The following DOK6 variants were observed in gnomAD, a reference collection of about 807,000 sequenced individuals.
DOK6 encodes the protein docking protein 6, also known as downstream of tyrosine kinase 6.
Under a neutral mutation model 44.0 loss-of-function variants are expected in DOK6, and 22 were observed. The ratio of observed to expected loss-of-function variants is 0.50; its 90% CI spans 0.36 to 0.71. The LOEUF (loss-of-function observed/expected upper bound fraction) is 0.71, where lower values mean the gene tolerates loss of function less well. Among genes scored for constraint, DOK6 ranks in the 30% least tolerant of loss-of-function variants. The pLI is 0.00. For missense variants in DOK6, 340 were observed against 416.4 expected (o/e 0.82, Z 1.60); for synonymous variants, 166 against 145.5 (o/e 1.14, Z -1.01).
rs949808829 is a variant in DOK6, at chr18:69,596,202, T to G, written c.175-3182T>G. 3.3e-5 allele frequency among the ~76,000 whole-genome samples: 5 copies of G among 152,232 alleles called. No individual in the cohort carries two copies. The East Asian group carries it at 9.6e-4, about 29-fold the overall frequency. Reference sequence around the variant, plus strand: ...AACAATGACCTCAGGAACTATCACTTTAAAAGATCCCAAATTGGATTGGCC... The same window carrying G: ...AACAATGACCTCAGGAACTATCACTGTAAAAGATCCCAAATTGGATTGGCC... On this transcript the variant is annotated intron_variant, in intron 2 of 7. Coordinates refer to ENST00000382713, the MANE Select transcript of DOK6 (RefSeq NM_152721.6).
At position 69,759,360 on chromosome 18, in the gene DOK6, C is replaced by CATAAT. The variant is rs535920808; in HGVS notation, c.856+1490_856+1491insATATA. Among the ~76,000 whole-genome samples the CATAAT allele has an allele frequency of 1.0e-3, 157 of 152,082 alleles. 1 individual carries two copies. Among genetic ancestry groups the CATAAT allele is most frequent in the African/African-American group, 3.6e-3 (151 of 41,508 alleles). ...TTGTAATATAAGATTTTTATTTAAA[C>CATAAT]ATATGTTTAAATATTGATATTCACT... On this transcript the variant is annotated intron_variant, in intron 7 of 7. Coordinates refer to ENST00000382713, the MANE Select transcript of DOK6 (RefSeq NM_152721.6).
chr18:69,683,825 A>G (rs1468440800), intron 4 of DOK6, among the ~76,000 whole-genome samples: 4 of 152,222 alleles, frequency 2.6e-5, no homozygotes. Flanking sequence ...AATATACATT[A>G]GTAAAGCTGT....
intron 3 of DOK6, among the ~76,000 whole-genome samples, chr18:69,627,315 G>C (rs1004819799): frequency 2.0e-5 from 3 of 152,332 alleles, no homozygotes; most frequent in Admixed American, 6.5e-5. Flanking sequence ...TCAGTTGGTT[G>C]TTTGCAGATG....
intron 1 of DOK6, among the ~76,000 whole-genome samples, chr18:69,479,617 A>G (rs901888288): frequency 6.6e-6 from 1 of 152,134 alleles, no homozygotes; most frequent in Non-Finnish European, 1.5e-5. Flanking sequence ...ATACAAGTTA[A>G]TATTATGTAA....
Position 69,841,531 on chromosome 18 carries a change from G to A in DOK6, c.*148G>A, listed in dbSNP as rs1232138008. 3 of 1,072,306 alleles carry A rather than the reference G, an allele frequency of 2.8e-6. No individual in the cohort carries two copies. The allele number at this position is 1,072,306 out of a possible 1,614,324, so 66.4% of individuals were successfully genotyped here. Reference sequence around the variant, plus strand: ...AGTCCCATTGGAAGGTTAAAAACTGGAGTTCTGCTTCCTTGATTCAGTGGC... The same window carrying A: ...AGTCCCATTGGAAGGTTAAAAACTGAAGTTCTGCTTCCTTGATTCAGTGGC... On this transcript the variant is annotated 3_prime_UTR_variant, in exon 8 of 8. Transcript: ENST00000382713.
At chr18:69,589,232 C>T (rs185604918) in intron 2 of DOK6, among the ~76,000 whole-genome samples, 2 of 151,942 alleles carry the variant, frequency 1.3e-5, no homozygotes, top group East Asian at 1.9e-4. Context: ...ATTGTAATAA[C>T]GAAAATGCAG....
chr18:69,491,286 C>T (rs1355385247), intron 1 of DOK6, among the ~76,000 whole-genome samples: 3 of 152,166 alleles, frequency 2.0e-5, no homozygotes, highest in African/African-American at 4.8e-5. Flanking sequence ...CTTTCACTGT[C>T]TTATCTAGAG....
chr18:69,676,372 A>C (rs1985922558), intron 3 of DOK6, among the ~76,000 whole-genome samples: 1 of 152,230 alleles, frequency 6.6e-6, no homozygotes, highest in South Asian at 2.1e-4. Flanking sequence ...TTGCTGCAGC[A>C]TGACTAAGCT....
chr18:69,769,124 T>G (rs2144764348), intron 7 of DOK6, among the ~76,000 whole-genome samples: 1 of 152,196 alleles, frequency 6.6e-6, no homozygotes, highest in Admixed American at 6.6e-5. Context: ...TTCATAATAT[T>G]AGAAAGAGGA....
At chr18:69,729,571 T>C (rs1327508912) in intron 5 of DOK6, among the ~76,000 whole-genome samples, 2 of 152,160 alleles carry the variant, frequency 1.3e-5, no homozygotes, top group Non-Finnish European at 2.9e-5. Flanking sequence ...CTCAATTCCA[T>C]TCCCAAAATG....
chr18:69,845,114 C>A lies in DOK6; in HGVS notation c.*3731C>A, dbSNP rs892155665. ...AACTTTGTAAAAAAGCATGGGGACC[C>A]TACTCCCTAGATTATTTGAGCCATT... On this transcript the variant is annotated 3_prime_UTR_variant, in exon 8 of 8. Coordinates refer to ENST00000382713, the MANE Select transcript of DOK6 (RefSeq NM_152721.6). The A allele has an allele frequency of 6.6e-6, 1 of 152,148 alleles. No individual in the cohort carries two copies. The highest frequency in any genetic ancestry group is 6.5e-5 in the Admixed American group (1 of 15,278). The allele number at this position is 152,148 out of a possible 1,614,324, so 9.4% of individuals were successfully genotyped here.
chr18:69,500,974 G>A (rs142263514), intron 1 of DOK6, among the ~76,000 whole-genome samples: 130 of 151,256 alleles, frequency 8.6e-4, no homozygotes, highest in South Asian at 1.7e-3. Flanking sequence ...TGGAGTGTGT[G>A]TTAGAGTATG....
chr18:69,579,919 G>A (rs774635303), intron 2 of DOK6, among the ~76,000 whole-genome samples: 8 of 152,082 alleles, frequency 5.3e-5, no homozygotes, highest in African/African-American at 7.2e-5. Flanking sequence ...CACTCTGCCC[G>A]GCCAGAAGTC....
chr18:69,524,198 A>G (rs968539138), intron 1 of DOK6, among the ~76,000 whole-genome samples: 2 of 151,998 alleles, frequency 1.3e-5, no homozygotes, highest in Non-Finnish European at 2.9e-5. Flanking sequence ...GTTTTAGACA[A>G]TTTGGACAAT....
At chr18:69,529,468 T>G (rs1013192747) in intron 1 of DOK6, among the ~76,000 whole-genome samples, 12 of 152,220 alleles carry the variant, frequency 7.9e-5, no homozygotes, top group African/African-American at 2.9e-4. Flanking sequence ...TATTTATTTG[T>G]GCATTTAATG....
chr18:69,602,145 C>A (rs1033453514), intron 3 of DOK6, among the ~76,000 whole-genome samples: 7 of 152,074 alleles, frequency 4.6e-5, no homozygotes, highest in Admixed American at 1.3e-4. Flanking sequence ...GTTACTTCCT[C>A]CCTAGGAGAA....
rs532005978 is a variant in DOK6, at chr18:69,693,921, T to C, written c.410-4483T>C. Among the ~76,000 whole-genome samples the C allele has an allele frequency of 3.4e-3, 508 of 151,118 alleles. 3 individuals carry two copies. The highest frequency in any genetic ancestry group is 0.017 in the Middle Eastern group (5 of 294). ...AAAATACAAAAAAATTAGCCGGGCG[T>C]GGTGGCGGGCGCCTGTAGTCCCAGC... On this transcript the variant is annotated intron_variant, in intron 4 of 7. Coordinates refer to ENST00000382713, the MANE Select transcript of DOK6 (RefSeq NM_152721.6).
chr18:69,728,050 G>A (rs764786361), intron 5 of DOK6, among the ~76,000 whole-genome samples: 1 of 152,098 alleles, frequency 6.6e-6, no homozygotes, highest in Non-Finnish European at 1.5e-5. Context: ...AACTGATTTG[G>A]GCTTTGCAGG....
Position 69,698,560 on chromosome 18 carries a change from G to A in DOK6, c.566G>A (p.Arg189Gln), listed in dbSNP as rs775986230. Residue 189 changes from arginine (R) to glutamine (Q), a missense_variant, in exon 5 of 8, where the codon CGG (arginine) becomes CAG (glutamine). Arg to Gln is a conservative substitution (Grantham distance 43). Coordinates refer to ENST00000382713, the MANE Select transcript of DOK6 (RefSeq NM_152721.6). ...WPLSSLRRYG[R>Q]DSTWFTFESG... ...CTCAGCTCACTGAGGAGATACGGTC[G>A]GGACTCAACGTGGTTCACGTTTGAG... 57 of 1,613,756 alleles carry A rather than the reference G, an allele frequency of 3.5e-5. No individual in the cohort carries two copies. Among genetic ancestry groups the A allele is most frequent in the Non-Finnish European group, 4.2e-5 (49 of 1,179,922 alleles).
Sources: gnomAD v4.1 joint callset for allele counts (sites outside exome capture counted in the v4.1 genomes callset) on GRCh38, gnomAD v4.1.1 for gene constraint, MANE v1.5 for transcripts, NCBI Gene and HGNC (gene_info 2026-07-23, HGNC 2026-07-21) for gene names.